MCTP1: variants seen among roughly 807,000 people sequenced by gnomAD.
The protein encoded by MCTP1 is multiple C2 and transmembrane domain-containing protein 1.
In MCTP1, 69 loss-of-function variants were observed where a neutral mutation model predicts 120.6. The ratio of observed to expected loss-of-function variants is 0.57; its 90% CI spans 0.47 to 0.70. The LOEUF (loss-of-function observed/expected upper bound fraction) is 0.70. Among genes scored for constraint, MCTP1 ranks in the 30% least tolerant of loss-of-function variants. The pLI is 0.00. For missense variants in MCTP1, 1,203 were observed against 1,248.8 expected, an observed-to-expected ratio of 0.96 and a Z score of 0.55; for synonymous variants, 529 against 493.1, an observed-to-expected ratio of 1.07 and a Z score of -0.96.
intron 2 of MCTP1, among the ~76,000 whole-genome samples, chr5:95,000,382 G>A (rs1017701904): frequency 1.3e-5 from 2 of 152,038 alleles, no homozygotes; most frequent in Admixed American, 1.3e-4. Context: ...TCTCAGGCAG[G>A]TCCTTCAGGA....
chr5:95,113,669 A>C (rs1757615282), intron 1 of MCTP1, among the ~76,000 whole-genome samples: 1 of 152,174 alleles, frequency 6.6e-6, no homozygotes, highest in Non-Finnish European at 1.5e-5. Context: ...CGCAGGCTAA[A>C]GTACTCTGGG....
chr5:95,218,427 C>T (rs189886508), intron 1 of MCTP1, among the ~76,000 whole-genome samples: 10 of 152,214 alleles, frequency 6.6e-5, no homozygotes, highest in Non-Finnish European at 1.0e-4. Context: ...GTATGGAATG[C>T]TTCAACTAGT....
At chr5:95,029,432 T>C (rs1402770989) in intron 1 of MCTP1, among the ~76,000 whole-genome samples, 5 of 152,172 alleles carry the variant, frequency 3.3e-5, no homozygotes, top group African/African-American at 9.7e-5. Context: ...ACCAGAGACA[T>C]TGGATGCTAG....
intron 1 of MCTP1, among the ~76,000 whole-genome samples, chr5:95,151,892 C>G (rs546411072): frequency 6.6e-6 from 1 of 152,230 alleles, no homozygotes; most frequent in Non-Finnish European, 1.5e-5. Context: ...CCCTTCCACA[C>G]ATATACTTTT....
At chr5:95,259,320 C>T (rs954341566) in intron 1 of MCTP1, among the ~76,000 whole-genome samples, 1 of 152,114 alleles carries the variant, frequency 6.6e-6, no homozygotes, top group Admixed American at 6.5e-5. Context: ...CCATGTCAGA[C>T]GAAAGGTGAA....
chr5:94,957,757 C>T (rs1458323222), intron 2 of MCTP1, among the ~76,000 whole-genome samples: 1 of 152,170 alleles, frequency 6.6e-6, no homozygotes, highest in African/African-American at 2.4e-5. Context: ...CAAGAGCACC[C>T]AGATTCATAA....
chr5:94,794,069 T>C (rs1319048709), intron 18 of MCTP1, among the ~76,000 whole-genome samples: 1 of 152,234 alleles, frequency 6.6e-6, no homozygotes, highest in Admixed American at 6.5e-5. Context: ...GCAGACTCTG[T>C]CTCAATTTGT....
chr5:94,767,075 G>A (rs944417074), intron 19 of MCTP1, among the ~76,000 whole-genome samples: 1 of 152,132 alleles, frequency 6.6e-6, no homozygotes, highest in African/African-American at 2.4e-5. Flanking sequence ...AATACACCAT[G>A]ATCAAGTTGG....
chr5:95,116,678 T>G (rs937884522), intron 1 of MCTP1, among the ~76,000 whole-genome samples: 3 of 152,144 alleles, frequency 2.0e-5, no homozygotes, highest in Non-Finnish European at 4.4e-5. Flanking sequence ...GCATGGAATG[T>G]TTTTCCATTT....
At chr5:94,863,494 T>G (rs2153240691) in intron 17 of MCTP1, among the ~76,000 whole-genome samples, 1 of 151,984 alleles carries the variant, frequency 6.6e-6, no homozygotes, top group South Asian at 2.1e-4. Flanking sequence ...TTCAATATGT[T>G]CAATGTAATT....
intron 5 of MCTP1, among the ~76,000 whole-genome samples, 177 bp from the exon 6 acceptor site, chr5:94,932,168 T>C (rs991044838): frequency 6.9e-6 from 1 of 144,164 alleles, no homozygotes; most frequent in Non-Finnish European, 1.5e-5. Flanking sequence ...AACTTTAACA[T>C]TCCAGCAGTC....
intron 17 of MCTP1, among the ~76,000 whole-genome samples, chr5:94,840,329 T>C (rs138682550): frequency 6.6e-6 from 1 of 152,234 alleles, no homozygotes; most frequent in Admixed American, 6.5e-5. Context: ...GACTGAGATA[T>C]GCAGAGAGAG....
chr5:94,838,255 T>C (rs1454004357), intron 17 of MCTP1, among the ~76,000 whole-genome samples: 1 of 152,232 alleles, frequency 6.6e-6, no homozygotes, highest in African/African-American at 2.4e-5. Flanking sequence ...TATAAAAGTT[T>C]CATTAAGGCA....
intron 19 of MCTP1, among the ~76,000 whole-genome samples, chr5:94,736,904 C>G (rs1359802045): frequency 6.6e-6 from 1 of 152,188 alleles, no homozygotes; most frequent in Non-Finnish European, 1.5e-5. Context: ...CTACTCTGTA[C>G]TTGGTACCAT....
rs27918 is a variant in MCTP1 at position 94,905,565 on chromosome 5, A to G, written c.1652+3686T>C. Among the ~76,000 whole-genome samples the G allele has an allele frequency of 4.2e-3, 637 of 152,312 alleles. 10 individuals are homozygous for G. In the East Asian group the frequency reaches 0.053, roughly 13 times the overall value. Reference sequence around the variant, plus strand: ...GTCGAGAATCCTCAATATGTTTTGAAGAAAAATTATCAGGTTGCTGATTGA... The same window carrying G: ...GTCGAGAATCCTCAATATGTTTTGAGGAAAAATTATCAGGTTGCTGATTGA... On this transcript the variant is annotated intron_variant, in intron 10 of 22. Coordinates refer to ENST00000515393, the MANE Select transcript of MCTP1 (RefSeq NM_024717.7).
chr5:95,103,721 G>T (rs964511064), intron 1 of MCTP1, among the ~76,000 whole-genome samples: 1 of 152,144 alleles, frequency 6.6e-6, no homozygotes, highest in African/African-American at 2.4e-5. Flanking sequence ...CAATGTAGGG[G>T]ATTCCAAGTA....
At chr5:94,824,934 CTTT>C (rs1185617173) in intron 17 of MCTP1, among the ~76,000 whole-genome samples, 3 of 151,990 alleles carry the variant, frequency 2.0e-5, no homozygotes, top group African/African-American at 7.3e-5. Context: ...CTCTTTTCTT[CTTT>C]ATTAGTCTGG....
At chr5:94,730,688 G>C (rs930132958) in intron 19 of MCTP1, among the ~76,000 whole-genome samples, 8 of 152,068 alleles carry the variant, frequency 5.3e-5, no homozygotes, top group Admixed American at 3.3e-4. Flanking sequence ...ATAGAAAGAG[G>C]AGCTCATTGG....
At chr5:94,749,654 C>CAAAAAAAAAA (rs57404381) in intron 19 of MCTP1, among the ~76,000 whole-genome samples, 17 of 50,962 alleles carry the variant, frequency 3.3e-4, no homozygotes, top group African/African-American at 1.2e-3. Flanking sequence ...GACTTCATCT[C>CAAAAAAAAAA]AAAAAAAAAA....
Sources: allele counts gnomAD v4.1 joint callset (sites outside exome capture counted in the v4.1 genomes callset), GRCh38; gene constraint gnomAD v4.1.1; transcripts MANE v1.5; gene names NCBI Gene and HGNC (gene_info 2026-07-23, HGNC 2026-07-21).